NACC2: variants seen among roughly 807,000 people sequenced by gnomAD.
NACC2 encodes the protein NACC family member 2, also known as nucleus accumbens-associated protein 2.
In NACC2, 8 loss-of-function variants were observed where a neutral mutation model predicts 25.1. The observed-to-expected ratio is 0.32, with a 90% confidence interval of 0.19 to 0.57. The LOEUF is 0.57. NACC2 is among the 20% of genes least tolerant of loss of function. The pLI, the probability that NACC2 is intolerant of heterozygous loss-of-function variation, is 0.89. For missense variants in NACC2, 644 were observed against 650.2 expected, an observed-to-expected ratio of 0.99 and a Z score of 0.10; for synonymous variants, 435 against 294.7, an observed-to-expected ratio of 1.48 and a Z score of -4.88.
At chr9:136,042,683 TACACACACAG>T (rs1840653314) in intron 2 of NACC2, among the ~76,000 whole-genome samples, 1 of 127,210 alleles carries the variant, frequency 7.9e-6, no homozygotes, top group African/African-American at 3.0e-5. Context: ...CACACAGACA[TACACACACAG>T]ACACACACAC....
intron 2 of NACC2, among the ~76,000 whole-genome samples, chr9:136,044,745 C>A (rs1351009382): frequency 1.3e-5 from 2 of 152,244 alleles, no homozygotes; most frequent in African/African-American, 4.8e-5. Flanking sequence ...CTGGTGGGAG[C>A]GGCCTCGGAC....
In NACC2 at chr9:136,086,928, A is replaced by G. The variant is rs1830384377; in HGVS notation, c.-60+8261T>C. On this transcript the variant is annotated intron_variant, in intron 1 of 5. Coordinates refer to ENST00000277554, the MANE Select transcript of NACC2 (RefSeq NM_144653.5). The surrounding 1 kb of genome is among the most constrained non-coding windows in gnomAD (Gnocchi z 5.6). The stretch of plus-strand genomic sequence containing the variant: ...CTCCCACACCACACCGGGGGTTCGC[A>G]TCTACCTGACCCTTTGAATGCGGCC... Among the ~76,000 whole-genome samples the G allele has an allele frequency of 6.6e-6, 1 of 152,216 alleles. No individual in the cohort carries two copies. The highest frequency in any genetic ancestry group is 6.5e-5 in the Admixed American group (1 of 15,290).
At position 136,009,577 on chromosome 9, in the gene NACC2, G is replaced by A. The variant is rs1840073739; in HGVS notation, c.*1939C>T. The A allele has an allele frequency of 6.6e-6, 1 of 152,340 alleles. No homozygotes were observed. The highest frequency in any genetic ancestry group is 1.5e-5 in the Non-Finnish European group (1 of 68,114). 9.4% of individuals were successfully genotyped at this position (152,340 alleles called of 1,614,324 possible). ...TGGAGGGCAGGCATGTGCTGGGCCT[G>A]GCTGGAGGCAGCCCAGGAGGCTGAG... is the stretch of plus-strand genomic sequence containing the variant. On this transcript the variant is annotated 3_prime_UTR_variant, in exon 6 of 6. Transcript: ENST00000277554.
At chr9:136,057,605 T>C (rs1033535904) in intron 1 of NACC2, among the ~76,000 whole-genome samples, 2 of 152,112 alleles carry the variant, frequency 1.3e-5, no homozygotes, top group Non-Finnish European at 2.9e-5. Context: ...CCCTCGGGCA[T>C]AGTTTAATAA....
intron 1 of NACC2, among the ~76,000 whole-genome samples, chr9:136,066,120 G>A (rs765170922): frequency 2.0e-5 from 3 of 151,138 alleles, no homozygotes; most frequent in Non-Finnish European, 4.4e-5. Context: ...CTGAGCCCGG[G>A]AGGCAGAGGT....
At chr9:136,025,224 G>A (rs1001717085) in intron 2 of NACC2, among the ~76,000 whole-genome samples, 8 of 152,164 alleles carry the variant, frequency 5.3e-5, no homozygotes, top group African/African-American at 1.7e-4. Context: ...GGGCACGGGC[G>A]CTGCTGGATG....
intron 2 of NACC2, among the ~76,000 whole-genome samples, chr9:136,030,265 C>A (rs1375913754): frequency 1.3e-5 from 2 of 152,112 alleles, no homozygotes; most frequent in African/African-American, 4.8e-5. Flanking sequence ...GACAGATCTG[C>A]CATAGTCAGA....
chr9:136,041,375 G>C (rs1033780018), intron 2 of NACC2, among the ~76,000 whole-genome samples: 1 of 151,090 alleles, frequency 6.6e-6, no homozygotes, highest in African/African-American at 2.4e-5. Flanking sequence ...AGCCGAGATC[G>C]CACCACTGCA....
At chr9:136,040,274 G>C (rs1003877552) in intron 2 of NACC2, among the ~76,000 whole-genome samples, 6 of 152,010 alleles carry the variant, frequency 3.9e-5, no homozygotes, top group African/African-American at 2.4e-5. Flanking sequence ...GAACCCAGGA[G>C]GCAGAGGTTG....
At chr9:136,054,819 C>T (rs1021736248) in intron 1 of NACC2, among the ~76,000 whole-genome samples, 3 of 152,150 alleles carry the variant, frequency 2.0e-5, no homozygotes, top group African/African-American at 7.2e-5. Flanking sequence ...CAGAGGTCGC[C>T]AACTTTGTTT....
rs1830378271 is a variant in NACC2, at chr9:136,086,318, G to A, written c.-60+8871C>T. ...CGAGGCCTCCCACTCAGAGCTGGGA[G>A]GGGTTTGGGGGGTGGGGGTGCCTCT... is the stretch of plus-strand genomic sequence containing the variant. On this transcript the variant is annotated intron_variant, in intron 1 of 5. Coordinates refer to ENST00000277554, the MANE Select transcript of NACC2 (RefSeq NM_144653.5). The surrounding 1 kb of genome is among the most constrained non-coding windows in gnomAD (Gnocchi z 5.6). Among the ~76,000 whole-genome samples, 2 of 152,240 alleles carry A rather than the reference G, an allele frequency of 1.3e-5. No homozygotes were observed.
chr9:136,013,169 C>CCCCCCCCCCCCAAA lies in NACC2; in HGVS notation c.1255+29_1255+30insTTTGGGGGGGGGGG. 1 of 1,077,568 alleles carries CCCCCCCCCCCCAAA rather than the reference C, an allele frequency of 9.3e-7. No homozygotes were observed. Among genetic ancestry groups the CCCCCCCCCCCCAAA allele is most frequent in the Non-Finnish European group, 1.4e-6 (1 of 700,002 alleles). The allele number at this position is 1,077,568 out of a possible 1,614,324, so 66.8% of individuals were successfully genotyped here. On this transcript the variant is annotated intron_variant, in intron 5 of 5. Coordinates refer to ENST00000277554, the MANE Select transcript of NACC2 (RefSeq NM_144653.5). This position sits in a 1 kb window ranked among gnomAD's most constrained non-coding sequence, Gnocchi z 6.6. Reference sequence around the variant, plus strand: ...TGGGATCTGAACCCAGCCCCGGCCCCACCCACCCGAGAGACCCCCAGGCTC... The same window carrying CCCCCCCCCCCCAAA: ...TGGGATCTGAACCCAGCCCCGGCCCCCCCCCCCCCCCAAAACCCACCCGAGAGACCCCCAGGCTC...
intron 1 of NACC2, among the ~76,000 whole-genome samples, chr9:136,076,640 T>C (rs933390429): frequency 5.9e-5 from 9 of 152,180 alleles, no homozygotes; most frequent in African/African-American, 2.2e-4. Flanking sequence ...GGAATGTTCT[T>C]ACTGCCACTG....
In NACC2 at chr9:136,049,950, C is replaced by A; in HGVS notation, c.572G>T (p.Arg191Leu). 1.7e-6 allele frequency: 1 copy of A among 589,300 alleles called. No homozygotes were observed. The highest frequency in any genetic ancestry group is 3.3e-5 in the Admixed American group (1 of 30,494). The allele number at this position is 589,300 out of a possible 1,614,324, so 36.5% of individuals were successfully genotyped here. The change falls in exon 2 of 6, where the codon CGC becomes CTC. Residue 191 changes from arginine to leucine, a missense_variant. Coordinates refer to ENST00000277554, the MANE Select transcript of NACC2 (RefSeq NM_144653.5). ...PPAGPGLAPK[R>L]PLETGPRDGV... is the part of the protein sequence containing the mutation. ...GTCCCGGGGCCCCGTCTCCAGCGGG[C>A]GCTTGGGGGCCAGGCCTGGGCCGGC...
At chr9:136,063,688 G>T (rs1588576899) in intron 1 of NACC2, among the ~76,000 whole-genome samples, 1 of 152,112 alleles carries the variant, frequency 6.6e-6, no homozygotes, top group Non-Finnish European at 1.5e-5. Context: ...TTCTAGACCA[G>T]CCTGGCCAAC....
intron 3 of NACC2, among the ~76,000 whole-genome samples, chr9:136,015,506 T>C (rs1179572561): frequency 3.9e-5 from 6 of 152,142 alleles, no homozygotes; most frequent in Non-Finnish European, 7.4e-5. Context: ...CCTCAGGCAG[T>C]GGCTCACACC....
chr9:136,050,659 T>TCCC (rs1371157445), intron 1 of NACC2, 79 bp from the exon 2 acceptor site: 6 of 650,200 alleles, frequency 9.2e-6, no homozygotes, highest in Non-Finnish European at 2.8e-6. Flanking sequence ...CACCCCCTCC[T>TCCC]CCCCCGCCGG....
chr9:136,089,906 G>A (rs1315804280), intron 1 of NACC2, among the ~76,000 whole-genome samples: 1 of 151,414 alleles, frequency 6.6e-6, no homozygotes, highest in African/African-American at 2.4e-5. Context: ...GGTTTCAAAA[G>A]TTGTGTGATA....
At chr9:136,030,095 G>C (rs1323395815) in intron 2 of NACC2, among the ~76,000 whole-genome samples, 2 of 152,122 alleles carry the variant, frequency 1.3e-5, no homozygotes, top group Non-Finnish European at 2.9e-5. Flanking sequence ...GGCTGGTCTT[G>C]AACTCCTGAC....
Sources: allele counts gnomAD v4.1 joint callset (sites outside exome capture counted in the v4.1 genomes callset), GRCh38; gene constraint gnomAD v4.1.1; non-coding constraint Gnocchi (gnomAD v3.1); transcripts MANE v1.5; gene names NCBI Gene and HGNC (gene_info 2026-07-23, HGNC 2026-07-21).